Variants in ANKFN1 observed in about 807,000 individuals in gnomAD.
The protein encoded by ANKFN1 is ankyrin repeat and fibronectin type-III domain-containing protein 1.
Under a neutral mutation model 108.7 loss-of-function variants are expected in ANKFN1, and 74 were observed. The ratio of observed to expected loss-of-function variants is 0.68; its 90% CI spans 0.56 to 0.83. The LOEUF (loss-of-function observed/expected upper bound fraction) is 0.83, where lower values mean the gene tolerates loss of function less well. Ranked by LOEUF, ANKFN1 falls within the 40% of genes least tolerant of loss-of-function variation. ANKFN1 has a pLI of 0.00. For missense variants in ANKFN1, 1,505 were observed against 1,382.3 expected (o/e 1.09, Z -1.41); for synonymous variants, 547 against 516.2 (o/e 1.06, Z -0.81).
At chr17:56,450,439 A>G (rs929091692) in intron 11 of ANKFN1, among the ~76,000 whole-genome samples, 2 of 152,322 alleles carry the variant, frequency 1.3e-5, no homozygotes, top group East Asian at 3.9e-4. Flanking sequence ...AAGTGTTTGG[A>G]AGAAAATAAT....
At chr17:56,330,466 C>T (rs1340290505) in intron 4 of ANKFN1, among the ~76,000 whole-genome samples, 1 of 152,138 alleles carries the variant, frequency 6.6e-6, no homozygotes, top group African/African-American at 2.4e-5. Flanking sequence ...TGGGTGGAGA[C>T]ACAGCCAAGC....
chr17:56,337,222 A>G (rs1212576348), intron 4 of ANKFN1, among the ~76,000 whole-genome samples: 1 of 152,140 alleles, frequency 6.6e-6, no homozygotes, highest in Non-Finnish European at 1.5e-5. Context: ...AGTTCTGTAG[A>G]TGTCTGTTAG....
chr17:56,150,786 ACT>A (rs1248550949), upstream of ANKFN1, among the ~76,000 whole-genome samples: 3 of 151,718 alleles, frequency 2.0e-5, no homozygotes, highest in East Asian at 5.9e-4. Flanking sequence ...CTCGCTTATC[ACT>A]CCCTAGCCCA....
intron 4 of ANKFN1, among the ~76,000 whole-genome samples, chr17:56,135,311 C>T (rs1296708013): frequency 6.6e-6 from 1 of 152,140 alleles, no homozygotes; most frequent in South Asian, 2.1e-4. Context: ...GTTAACCTCA[C>T]AACTACCCAG....
intron 9 of ANKFN1, among the ~76,000 whole-genome samples, chr17:56,442,428 G>C (rs2049136783): frequency 6.6e-6 from 1 of 152,188 alleles, no homozygotes; most frequent in African/African-American, 2.4e-5. Flanking sequence ...ATCACTAAAA[G>C]AAGTGACAGC....
intron 15 of ANKFN1, among the ~76,000 whole-genome samples, chr17:56,467,779 GAA>G (rs376300842): frequency 2.3e-4 from 4 of 17,454 alleles, no homozygotes; most frequent in African/African-American, 5.9e-4. Flanking sequence ...AAGAAAGAAA[GAA>G]AGAAAGAAAG....
At chr17:56,356,022 T>A (rs1219154348) in intron 6 of ANKFN1, among the ~76,000 whole-genome samples, 1 of 152,184 alleles carries the variant, frequency 6.6e-6, no homozygotes, top group Non-Finnish European at 1.5e-5. Context: ...GTTCTAGACA[T>A]TTCATGTAAC....
At chr17:56,060,157 G>A (rs1031506665) in intron 4 of ANKFN1, among the ~76,000 whole-genome samples, 8 of 146,956 alleles carry the variant, frequency 5.4e-5, no homozygotes, top group Non-Finnish European at 1.2e-4. Flanking sequence ...TTCCTTGTTA[G>A]CTGTATTCCT....
intron 4 of ANKFN1, among the ~76,000 whole-genome samples, chr17:56,081,030 C>T (rs534585832): frequency 1.3e-5 from 2 of 152,262 alleles, no homozygotes; most frequent in South Asian, 2.1e-4. Flanking sequence ...GCTGGAAGAG[C>T]GTGGAATACA....
At chr17:56,251,299 A>G (rs1280212931) in intron 3 of ANKFN1, among the ~76,000 whole-genome samples, 2 of 152,194 alleles carry the variant, frequency 1.3e-5, no homozygotes, top group Non-Finnish European at 2.9e-5. Context: ...AGGCTGAGGG[A>G]TGAGAATCAC....
At chr17:56,239,133 C>T (rs915952098) in intron 3 of ANKFN1, among the ~76,000 whole-genome samples, 13 of 152,056 alleles carry the variant, frequency 8.5e-5, no homozygotes, top group Middle Eastern at 3.4e-3. Context: ...ACAAGAATCA[C>T]AAGTTAAAGA....
chr17:56,261,581 G>A, intron 3 of ANKFN1, among the ~76,000 whole-genome samples: 1 of 151,816 alleles, frequency 6.6e-6, no homozygotes, highest in Non-Finnish European at 1.5e-5. Flanking sequence ...AGCCAACAGT[G>A]CAGCCTCCAG....
At chr17:56,483,815 A>G (rs1353318744) in intron 18 of ANKFN1, among the ~76,000 whole-genome samples, 2 of 152,210 alleles carry the variant, frequency 1.3e-5, no homozygotes, top group Admixed American at 6.5e-5. Flanking sequence ...GGGTATTTCC[A>G]TAAGTGTCTA....
chr17:56,510,744 C>CCTGA lies in ANKFN1; in HGVS notation c.2918_2921dup (p.Leu975AspfsTer58). ...ACTCATGTGCCGAGTTTCTCCATAG[C>CCTGA]CTGACCCTCACGGGGTTCACACCCA... On this transcript the variant is annotated frameshift_variant, in exon 21 of 21. Coordinates refer to ENST00000682825, the MANE Select transcript of ANKFN1 (RefSeq NM_001370326.1). LOFTEE classifies it low-confidence loss of function (END_TRUNC). 1 of 1,536,172 alleles carries CCTGA rather than the reference C, an allele frequency of 6.5e-7. No homozygotes were observed. The highest frequency in any genetic ancestry group is 8.7e-7 in the Non-Finnish European group (1 of 1,146,922).
At chr17:56,357,300 C>T (rs2046401402) in intron 6 of ANKFN1, among the ~76,000 whole-genome samples, 1 of 152,202 alleles carries the variant, frequency 6.6e-6, no homozygotes, top group South Asian at 2.1e-4. Context: ...ACTAACCCTA[C>T]AGGATAAAGT....
At chr17:56,404,971 T>A (rs2047875703) in intron 8 of ANKFN1, among the ~76,000 whole-genome samples, 2 of 152,204 alleles carry the variant, frequency 1.3e-5, no homozygotes, top group Admixed American at 6.5e-5. Context: ...AGCTCCAGTC[T>A]GATACTGGGG....
intron 20 of ANKFN1, among the ~76,000 whole-genome samples, chr17:56,505,645 A>G (rs1030649060): frequency 7.2e-5 from 11 of 152,234 alleles, no homozygotes; most frequent in Admixed American, 5.9e-4. Context: ...TGGATAATTT[A>G]TAATAAAACT....
chr17:56,159,898 G>A (rs1598157398), intron 1 of ANKFN1, among the ~76,000 whole-genome samples: 1 of 151,410 alleles, frequency 6.6e-6, no homozygotes, highest in Non-Finnish European at 1.5e-5. Flanking sequence ...AACCAAGGGG[G>A]CCAGGGCGGG....
chr17:56,139,331 A>C (rs990607187), intron 4 of ANKFN1, among the ~76,000 whole-genome samples: 2 of 152,200 alleles, frequency 1.3e-5, no homozygotes, highest in Non-Finnish European at 2.9e-5. Context: ...ACTACTCCCA[A>C]ACATAGCACT....
Sources: allele counts gnomAD v4.1 joint callset (sites outside exome capture counted in the v4.1 genomes callset), GRCh38; gene constraint gnomAD v4.1.1; transcripts MANE v1.5; gene names NCBI Gene and HGNC (gene_info 2026-07-23, HGNC 2026-07-21).